RPS19: variants seen among roughly 807,000 people sequenced by gnomAD.
The protein encoded by RPS19 is ribosomal protein S19.
Under a neutral mutation model 20.3 loss-of-function variants are expected in RPS19, and 1 was observed. That is an observed-to-expected ratio of 0.05 (90% CI 0.02 to 0.23). The LOEUF (loss-of-function observed/expected upper bound fraction) is 0.23. Among genes scored for constraint, RPS19 ranks in the 10% least tolerant of loss-of-function variants. The pLI, the probability that RPS19 is intolerant of heterozygous loss-of-function variation, is 1.00. For synonymous variants in RPS19, 87 were observed against 74.8 expected (o/e 1.16, Z -0.84); for missense variants, 111 against 192.7 (o/e 0.58, Z 2.51).
intron 3 of RPS19, 63 bp downstream of exon 3, chr19:41,861,275 C>T (rs1555839227): frequency 8.5e-7 from 1 of 1,181,988 alleles, no homozygotes; most frequent in Admixed American, 1.7e-5. Context: ...ACAAACCATA[C>T]TTCCCTGTCT....
chr19:41,869,442 AG>A (rs1449113471), intron 4 of RPS19, among the ~76,000 whole-genome samples: 1 of 152,186 alleles, frequency 6.6e-6, no homozygotes, highest in Non-Finnish European at 1.5e-5. Flanking sequence ...TGCTTTCATT[AG>A]CCTGCTCGTT....
intron 4 of RPS19, 25 bp downstream of exon 4, chr19:41,869,239 T>G: frequency 1.2e-6 from 2 of 1,602,198 alleles, no homozygotes; most frequent in Non-Finnish European, 1.7e-6. Flanking sequence ...GGGGGCTGCA[T>G]TGATGGAGTA....
intron 3 of RPS19, among the ~76,000 whole-genome samples, chr19:41,865,966 A>G (rs1159212550): frequency 2.4e-3 from 330 of 140,276 alleles, no homozygotes; most frequent in Middle Eastern, 4.0e-3. Context: ...AAAAAAAAAA[A>G]AAAAAGGCCG....
rs1414864112 is a variant in RPS19 at position 41,870,848 on chromosome 19, CCTTTTTTTTTTTTT to C, written c.412-502_412-489del. Among the ~76,000 whole-genome samples the C allele has an allele frequency of 3.1e-4, 27 of 85,810 alleles. 1 individual carries two copies. The highest frequency in any genetic ancestry group is 0.01 in the Middle Eastern group (1 of 100). 56.3% of individuals were successfully genotyped at this position (85,810 alleles called of 152,430 possible). A position where few individuals can be genotyped will look rare whatever the true frequency, so the allele number is the denominator to read the frequency against. On this transcript the variant is annotated intron_variant, in intron 5 of 5. Transcript: ENST00000598742. ...TTGGACTCCACTCCGCCACTCCCTT[CCTTTTTTTTTTTTT>C]TTTTTTTTTTTTTTTTTTGAGACAG... is the stretch of plus-strand genomic sequence containing the variant.
At chr19:41,860,451 C>T (rs2074015859) in intron 1 of RPS19, 162 bp downstream of exon 1, 1 of 390,176 alleles carries the variant, frequency 2.6e-6, no homozygotes, top group East Asian at 6.0e-5. Flanking sequence ...GCCCGGTCAG[C>T]GCCGTCCGGG....
chr19:41,871,317 T>C, intron 5 of RPS19, 34 bp from the exon 6 acceptor site: 1 of 1,612,276 alleles, frequency 6.2e-7, no homozygotes, highest in Non-Finnish European at 8.5e-7. Flanking sequence ...GAGACCCCCT[T>C]GACTAACTTT....
rs575815332 is a variant in RPS19, at chr19:41,868,867, C to CG, written c.173-157dup. Among the ~76,000 whole-genome samples the CG allele has an allele frequency of 2.2e-3, 316 of 144,614 alleles. 2 individuals carry two copies. The highest frequency in any genetic ancestry group is 7.5e-3 in the African/African-American group (288 of 38,500). 94.9% of individuals were successfully genotyped at this position (144,614 alleles called of 152,430 possible). On this transcript the variant is annotated intron_variant, in intron 3 of 5. Coordinates refer to ENST00000598742, the MANE Select transcript of RPS19 (RefSeq NM_001022.4). ...GGCTGTTTGTCAAGGAAGAGCTAGC[C>CG]GGGGGGGTGGGTGAGGAGAGGGGGC...
rs1014997144 is a variant in RPS19, at chr19:41,860,756, G to C, written c.1-19G>C. On this transcript the variant is annotated intron_variant, in intron 1 of 5. Coordinates refer to ENST00000598742, the MANE Select transcript of RPS19 (RefSeq NM_001022.4). ...GTCTCTGCCAGGCCTGTGTTCACAT[G>C]CTTGACTTTCTCCCTCAGATGCCTG... is the stretch of plus-strand genomic sequence containing the variant. The C allele has an allele frequency of 3.7e-6, 6 of 1,603,730 alleles. No homozygotes were observed. The highest frequency in any genetic ancestry group is 1.7e-6 in the Non-Finnish European group (2 of 1,170,648).
Position 41,869,129 on chromosome 19 carries a change from C to T in RPS19, c.271C>T (p.His91Tyr), listed in dbSNP as rs1555841342. The part of the protein sequence containing the change: ...GRQRNGVMPS[H>Y]FSRGSKSVAR... ...TCAGAGAAACGGCGTCATGCCCAGC[C>T]ACTTCAGCCGAGGCTCCAAGAGTGT... is the stretch of plus-strand genomic sequence containing the variant. Residue 91 changes from histidine (H) to tyrosine (Y), a missense_variant, in exon 4 of 6, where the codon CAC (histidine) becomes TAC (tyrosine). Physicochemically the swap from His to Tyr is moderately conservative, Grantham distance 83 (BLOSUM62 2). Transcript: ENST00000598742. 6.2e-7 allele frequency: 1 copy of T among 1,613,940 alleles called. No homozygotes were observed. The highest frequency in any genetic ancestry group is 1.3e-5 in the African/African-American group (1 of 75,038).
At chr19:41,867,379 C>T (rs1379647640) in intron 3 of RPS19, among the ~76,000 whole-genome samples, 4 of 152,210 alleles carry the variant, frequency 2.6e-5, no homozygotes, top group Non-Finnish European at 5.9e-5. Context: ...TCTTGGCTAA[C>T]TGCAACCTCT....
chr19:41,871,939 A>T lies in RPS19; in HGVS notation c.*562A>T, dbSNP rs1408200789. On this transcript the variant is annotated 3_prime_UTR_variant, in exon 6 of 6. Coordinates refer to ENST00000598742, the MANE Select transcript of RPS19 (RefSeq NM_001022.4). ...AAGGACAGACCACCAGGGAGCCTCC[A>T]CCGCAAACTGACCTGTGCTGCCTAC... 2 of 164,988 alleles carry T rather than the reference A, an allele frequency of 1.2e-5. No individual in the cohort carries two copies. The highest frequency in any genetic ancestry group is 1.1e-4 in the Admixed American group (2 of 17,490). The allele number at this position is 164,988 out of a possible 1,614,324, so 10.2% of individuals were successfully genotyped here.
rs1269107909 is a variant in RPS19 at position 41,871,982 on chromosome 19, C to T, written c.*605C>T. 1 of 156,518 alleles carries T rather than the reference C, an allele frequency of 6.4e-6. No homozygotes were observed. The highest frequency in any genetic ancestry group is 1.4e-5 in the Non-Finnish European group (1 of 70,604). 9.7% of individuals were successfully genotyped at this position (156,518 alleles called of 1,614,324 possible). A position where few individuals can be genotyped will look rare whatever the true frequency, so the allele number is the denominator to read the frequency against. On this transcript the variant is annotated 3_prime_UTR_variant, in exon 6 of 6. Coordinates refer to ENST00000598742, the MANE Select transcript of RPS19 (RefSeq NM_001022.4). ...CTGCCTACACACTAACTTTCCTGGG[C>T]CTGGGGCCTGCACAGGCTGAATGGT...
Position 41,860,762 on chromosome 19 carries a change from CTT to C in RPS19, c.1-11_1-10del. 1 of 1,609,646 alleles carries C rather than the reference CTT, an allele frequency of 6.2e-7. No homozygotes were observed. Among genetic ancestry groups the C allele is most frequent in the Non-Finnish European group, 8.5e-7 (1 of 1,175,882 alleles). ...GCCAGGCCTGTGTTCACATGCTTGA[CTT>C]TCTCCCTCAGATGCCTGGAGTTACT... On this transcript the variant is annotated splice_polypyrimidine_tract_variant and intron_variant, in intron 1 of 5. Coordinates refer to ENST00000598742, the MANE Select transcript of RPS19 (RefSeq NM_001022.4).
At chr19:41,870,357 C>A (rs966982135) in intron 5 of RPS19, among the ~76,000 whole-genome samples, 3 of 152,152 alleles carry the variant, frequency 2.0e-5, no homozygotes, top group African/African-American at 7.2e-5. Flanking sequence ...TGCGATGTTT[C>A]CCCTTAGTCC....
chr19:41,862,110 T>G (rs2123261497), intron 3 of RPS19, among the ~76,000 whole-genome samples: 1 of 152,288 alleles, frequency 6.6e-6, no homozygotes, highest in East Asian at 1.9e-4. Flanking sequence ...GACCACAACT[T>G]GTCTCCAGAT....
intron 2 of RPS19, 117 bp downstream of exon 2, chr19:41,860,962 C>A: frequency 8.8e-7 from 1 of 1,132,406 alleles, no homozygotes; most frequent in Non-Finnish European, 1.3e-6. Context: ...CTCCGTGGCT[C>A]CTTTCAGCGT....
At chr19:41,869,508 C>T (rs2074123797) in intron 4 of RPS19, 191 bp from the exon 5 acceptor site, 1 of 627,832 alleles carries the variant, frequency 1.6e-6, no homozygotes, top group East Asian at 2.7e-5. Context: ...GCACAAACAA[C>T]ACCCCGTCAG....
chr19:41,869,597 G>A lies in RPS19; in HGVS notation c.357-102G>A, dbSNP rs782402270. 8.8e-5 allele frequency: 113 copies of A among 1,289,246 alleles called. 1 individual carries two copies. Among genetic ancestry groups the A allele is most frequent in the Middle Eastern group, 2.3e-4 (1 of 4,302 alleles). The allele number at this position is 1,289,246 out of a possible 1,614,324, so 79.9% of individuals were successfully genotyped here. On this transcript the variant is annotated intron_variant, in intron 4 of 5. Transcript: ENST00000598742. The stretch of plus-strand genomic sequence containing the variant: ...GGGCCCTCAGTGGGACTTGGCTGGC[G>A]GCAGGTGGCTTTTTGAGAAGCCTGG...
chr19:41,870,589 C>T (rs1285092079), intron 5 of RPS19, among the ~76,000 whole-genome samples: 1 of 152,118 alleles, frequency 6.6e-6, no homozygotes, highest in African/African-American at 2.4e-5. Context: ...AGCTATAGTA[C>T]AGCAGGAGCA....
Sources: allele counts gnomAD v4.1 joint callset (sites outside exome capture counted in the v4.1 genomes callset), GRCh38; gene constraint gnomAD v4.1.1; transcripts MANE v1.5; gene names NCBI Gene and HGNC (gene_info 2026-07-23, HGNC 2026-07-21).